The following IGSF5 variants were observed in gnomAD, a reference collection of about 807,000 sequenced individuals.
IGSF5 encodes immunoglobulin superfamily 5 like.
IGSF5 carries 41 observed loss-of-function variants against 39.4 expected under a neutral mutation model. The observed-to-expected ratio is 1.04, with a 90% CI of 0.81 to 1.35. The LOEUF (loss-of-function observed/expected upper bound fraction) is 1.35. Ranked by LOEUF, IGSF5 falls within the 40% of genes most tolerant of loss-of-function variation. The pLI is 0.00. For synonymous variants in IGSF5, 183 were observed against 175.3 expected, an observed-to-expected ratio of 1.04 and a Z score of -0.34; for missense variants, 487 against 494.6, an observed-to-expected ratio of 0.98 and a Z score of 0.15.
chr21:39,771,224 A>G lies in IGSF5; in HGVS notation c.718+9A>G, dbSNP rs754696516. 3.7e-5 allele frequency: 57 copies of G among 1,542,052 alleles called. No homozygotes were observed. In the Admixed American group the frequency reaches 8.0e-4, roughly 22 times the overall value. The stretch of plus-strand genomic sequence containing the variant: ...GATTCGGTGTCCCCAAGGTAAGTGA[A>G]GACATTCTGCTTTATATGAAATGAA... On this transcript the variant is annotated intron_variant, in intron 4 of 8. Coordinates refer to ENST00000380588, the MANE Select transcript of IGSF5 (RefSeq NM_001080444.2).
rs142177018 is a variant in IGSF5 at position 39,765,760 on chromosome 21, T to A, written c.326T>A (p.Ile109Asn). 82 of 1,614,100 alleles carry A rather than the reference T, an allele frequency of 5.1e-5. No individual in the cohort carries two copies. In the African/African-American group the frequency reaches 1.0e-3, roughly 20 times the overall value. The change falls in exon 3 of 9, where the codon ATC (isoleucine) becomes AAC (asparagine). Residue 109 changes from isoleucine (I) to asparagine (N), a missense_variant. Physicochemically the swap from Ile to Asn is moderately radical, Grantham distance 149. Transcript: ENST00000380588. ...GGCGGGAACTTCACCTCGGAGATGA[T>A]CATCCACAATGTGGAGCCCAGTGAT... ...DQGGNFTSEM[I>N]IHNVEPSDSG...
intron 2 of IGSF5, among the ~76,000 whole-genome samples, chr21:39,749,065 A>G (rs1431511470): frequency 6.6e-6 from 1 of 152,246 alleles, no homozygotes; most frequent in Non-Finnish European, 1.5e-5. Flanking sequence ...TGCCTTATGC[A>G]TATGGGAGCC....
the IGSF5 span, among the ~76,000 whole-genome samples, chr21:39,717,103 A>T: frequency 8.7e-3 from 1,317 of 152,150 alleles, 21 homozygotes; most frequent in African/African-American, 0.03. Flanking sequence ...ATGATCAGTG[A>T]TATTGAGCTT....
chr21:39,752,981 C>T lies in IGSF5; in HGVS notation c.100+6683C>T, dbSNP rs188225150. Among the ~76,000 whole-genome samples the T allele has an allele frequency of 1.0e-3, 157 of 152,170 alleles. 1 individual carries two copies. Among genetic ancestry groups the T allele is most frequent in the Middle Eastern group, 6.8e-3 (2 of 294 alleles). ...TTTACTCTGCTGATTACTTCTTTTG[C>T]TGTGCAGAAGCTTTTTAGTTTAACT... On this transcript the variant is annotated intron_variant, in intron 2 of 8. Coordinates refer to ENST00000380588, the MANE Select transcript of IGSF5 (RefSeq NM_001080444.2).
chr21:39,755,550 G>A (rs2080025227), intron 2 of IGSF5, among the ~76,000 whole-genome samples: 2 of 148,214 alleles, frequency 1.3e-5, no homozygotes, highest in South Asian at 2.1e-4. Context: ...TCGCACCATT[G>A]CACTCCAGAC....
At chr21:39,769,359 C>G (rs1158324392) in intron 3 of IGSF5, among the ~76,000 whole-genome samples, 1 of 149,710 alleles carries the variant, frequency 6.7e-6, no homozygotes, top group Non-Finnish European at 1.5e-5. Flanking sequence ...CCCAGCTACT[C>G]GGGAGGCTGA....
At chr21:39,751,481 C>T (rs2080005354) in intron 2 of IGSF5, 1 of 152,184 alleles carries the variant, frequency 6.6e-6, no homozygotes, top group African/African-American at 2.4e-5. Flanking sequence ...TTCCAACTTC[C>T]ACAGAGTTAA....
chr21:39,730,120 G>A, the IGSF5 span: 1 of 152,218 alleles, frequency 6.6e-6, no homozygotes, highest in African/African-American at 2.4e-5. Context: ...AACCTAGGAG[G>A]GAAGGATGCT....
chr21:39,751,545 C>A (rs2837149), intron 2 of IGSF5, among the ~76,000 whole-genome samples: 123,902 of 151,590 alleles, frequency 0.82, 50,779 homozygotes, highest in Admixed American at 0.86. Flanking sequence ...ATGGTTTCTA[C>A]TCAGTGAGTG....
chr21:39,779,046 T>C (rs758813916), intron 4 of IGSF5, 44 bp from the exon 5 acceptor site: 1 of 1,597,672 alleles, frequency 6.3e-7, no homozygotes, highest in African/African-American at 1.3e-5. Flanking sequence ...TCTGTGATTC[T>C]AGGCAGTGCA....
chr21:39,780,757 G>C (rs1004440014), intron 5 of IGSF5, among the ~76,000 whole-genome samples: 3 of 152,194 alleles, frequency 2.0e-5, no homozygotes, highest in Admixed American at 2.0e-4. Flanking sequence ...CACTAGGTGG[G>C]CTTGTCGTAG....
chr21:39,737,165 T>C, the IGSF5 span, among the ~76,000 whole-genome samples: 1 of 151,736 alleles, frequency 6.6e-6, no homozygotes, highest in Non-Finnish European at 1.5e-5. Flanking sequence ...GAAAAAAATA[T>C]TTCCTCTTGT....
chr21:39,766,173 C>T (rs757288272), intron 3 of IGSF5, among the ~76,000 whole-genome samples: 17 of 152,244 alleles, frequency 1.1e-4, no homozygotes, highest in South Asian at 6.2e-4. Flanking sequence ...CCCCTTCTTC[C>T]TCACTTCCTC....
chr21:39,725,990 G>A, the IGSF5 span: 7 of 152,208 alleles, frequency 4.6e-5, no homozygotes, highest in Admixed American at 4.6e-4. Context: ...CCCAATGGAG[G>A]CGAAGTCAAG....
At chr21:39,758,919 A>G (rs1352628749) in intron 2 of IGSF5, among the ~76,000 whole-genome samples, 1 of 152,238 alleles carries the variant, frequency 6.6e-6, no homozygotes, top group African/African-American at 2.4e-5. Flanking sequence ...GGCGCATGTC[A>G]TAAAGGTACA....
At chr21:39,783,138 G>T (rs1569256864) in intron 5 of IGSF5, among the ~76,000 whole-genome samples, 1 of 152,134 alleles carries the variant, frequency 6.6e-6, no homozygotes, top group Admixed American at 6.5e-5. Flanking sequence ...TAGATATTTA[G>T]ATTGATTTCA....
chr21:39,746,569 A>C (rs1602361347), intron 2 of IGSF5, among the ~76,000 whole-genome samples: 1 of 152,164 alleles, frequency 6.6e-6, no homozygotes, highest in East Asian at 1.9e-4. Flanking sequence ...ATAACTGAGG[A>C]ATAATTATTC....
At chr21:39,768,290 T>C (rs1380656153) in intron 3 of IGSF5, among the ~76,000 whole-genome samples, 7 of 152,112 alleles carry the variant, frequency 4.6e-5, no homozygotes, top group Non-Finnish European at 1.0e-4. Flanking sequence ...AGAAAGAATC[T>C]TGAAAAAAGA....
At chr21:39,734,644 G>A in the IGSF5 span, among the ~76,000 whole-genome samples, 1 of 151,962 alleles carries the variant, frequency 6.6e-6, no homozygotes, top group African/African-American at 2.4e-5. Context: ...GGATTCATTA[G>A]GTGTATCCTT....
Sources: allele counts gnomAD v4.1 joint callset (sites outside exome capture counted in the v4.1 genomes callset), GRCh38; gene constraint gnomAD v4.1.1; transcripts MANE v1.5; gene names NCBI Gene and HGNC (gene_info 2026-07-23, HGNC 2026-07-21).